LNX1: variants seen among roughly 807,000 people sequenced by gnomAD.
LNX1 encodes ligand of numb-protein X 1.
LNX1 carries 54 observed loss-of-function variants against 68.4 expected under a neutral mutation model. The ratio of observed to expected loss-of-function variants is 0.79; its 90% CI spans 0.63 to 0.99. The LOEUF (loss-of-function observed/expected upper bound fraction) is 0.99, where lower values mean the gene tolerates loss of function less well. Ranked by LOEUF, LNX1 falls within the 50% of genes least tolerant of loss-of-function variation. The pLI is 0.00. For missense variants in LNX1, 906 were observed against 926.4 expected, an observed-to-expected ratio of 0.98 and a Z score of 0.29; for synonymous variants, 336 against 350.0, an observed-to-expected ratio of 0.96 and a Z score of 0.45.
chr4:53,512,077 G>A (rs1726385741), intron 2 of LNX1, among the ~76,000 whole-genome samples: 1 of 152,088 alleles, frequency 6.6e-6, no homozygotes, highest in African/African-American at 2.4e-5. Context: ...CTTCAAACAA[G>A]AGCTTGCAAA....
chr4:53,491,442 A>T (rs2109451352), intron 6 of LNX1, among the ~76,000 whole-genome samples: 1 of 152,328 alleles, frequency 6.6e-6, no homozygotes, highest in East Asian at 1.9e-4. Flanking sequence ...TTGAGATAAA[A>T]GGCAGGAATA....
chr4:53,572,555 G>A (rs1257988398), intron 2 of LNX1, among the ~76,000 whole-genome samples: 2 of 152,128 alleles, frequency 1.3e-5, no homozygotes, highest in African/African-American at 4.8e-5. Context: ...AAAAATACCT[G>A]CACCTGCCTC....
chr4:53,481,228 A>G (rs1470031590), intron 7 of LNX1, among the ~76,000 whole-genome samples: 4 of 152,184 alleles, frequency 2.6e-5, no homozygotes, highest in African/African-American at 7.2e-5. Context: ...GTTTGCCCCA[A>G]TCCCCACCAC....
At chr4:53,590,082 CCCT>C (rs1732417384) in intron 1 of LNX1, among the ~76,000 whole-genome samples, 1 of 152,078 alleles carries the variant, frequency 6.6e-6, no homozygotes, top group Admixed American at 6.6e-5. Context: ...CAAACCCCCC[CCCT>C]TAAACTCACA....
At chr4:53,623,393 G>A (rs1444428363) in intron 1 of LNX1, among the ~76,000 whole-genome samples, 1 of 151,728 alleles carries the variant, frequency 6.6e-6, no homozygotes, top group Admixed American at 6.6e-5. Context: ...TACCATGCCT[G>A]GCTAATTTTT....
intron 9 of LNX1, among the ~76,000 whole-genome samples, chr4:53,470,423 C>T (rs1412670371): frequency 2.0e-5 from 3 of 152,138 alleles, no homozygotes; most frequent in African/African-American, 4.8e-5. Context: ...ACTTTGAAAA[C>T]TGGCACAAGA....
intron 1 of LNX1, among the ~76,000 whole-genome samples, chr4:53,624,707 T>TG (rs1734009852): frequency 6.6e-6 from 1 of 152,268 alleles, no homozygotes; most frequent in East Asian, 1.9e-4. Flanking sequence ...GGCCTTTCCC[T>TG]GGGGGTCTTT....
At chr4:53,591,592 A>G (rs1259364532), upstream of LNX1, 2 of 985,330 alleles carry the variant, frequency 2.0e-6, no homozygotes, top group Non-Finnish European at 2.4e-6. Context: ...CAGATAAAGC[A>G]TTGCTGAGAC....
chr4:53,593,225 G>C (rs1732596285), upstream of LNX1, among the ~76,000 whole-genome samples: 1 of 151,970 alleles, frequency 6.6e-6, no homozygotes, highest in Non-Finnish European at 1.5e-5. Flanking sequence ...CGCGGACAGG[G>C]TGTCCCCTGG....
rs375148509 is a variant in LNX1, at chr4:53,501,309, G to GA, written c.776-2467_776-2466insT. Among the ~76,000 whole-genome samples the GA allele has an allele frequency of 3.4e-5, 4 of 116,000 alleles. No homozygotes were observed. In the East Asian group the frequency reaches 1.2e-3, roughly 34 times the overall value. 76.1% of individuals were successfully genotyped at this position (116,000 alleles called of 152,430 possible). A position where few individuals can be genotyped will look rare whatever the true frequency, so the allele number is the denominator to read the frequency against. ...TTTTTTTTTTTTTTTTGGGGGTGGGGGGACAGGATCTCACTCTGTCACCCA... is the reference window on the plus strand; with the variant it reads ...TTTTTTTTTTTTTTTTGGGGGTGGGGAGGACAGGATCTCACTCTGTCACCCA... On this transcript the variant is annotated intron_variant, in intron 4 of 10. Transcript: ENST00000263925.
At chr4:53,561,904 C>T (rs953418708) in intron 2 of LNX1, among the ~76,000 whole-genome samples, 4 of 151,284 alleles carry the variant, frequency 2.6e-5, no homozygotes, top group Non-Finnish European at 4.4e-5. Flanking sequence ...CAAACCTGAA[C>T]GTTCTGTACG....
upstream of LNX1, among the ~76,000 whole-genome samples, chr4:53,619,279 C>T (rs1436677925): frequency 6.6e-6 from 1 of 152,188 alleles, no homozygotes; most frequent in Admixed American, 6.5e-5. Context: ...TATACAAACA[C>T]TATTTCATTT....
intron 2 of LNX1, among the ~76,000 whole-genome samples, chr4:53,572,866 A>G (rs4864800): frequency 0.6 from 91,060 of 151,986 alleles, 27,562 homozygotes; most frequent in Non-Finnish European, 0.63. Context: ...ATTGCTTGGA[A>G]GACAAAAGTT....
intron 2 of LNX1, among the ~76,000 whole-genome samples, chr4:53,515,272 G>C (rs1488481180): frequency 6.6e-6 from 1 of 152,146 alleles, no homozygotes. Context: ...GGTTAGCTGC[G>C]GGCAAGTTGT....
intron 1 of LNX1, among the ~76,000 whole-genome samples, chr4:53,651,558 G>A (rs1338329639): frequency 2.0e-5 from 3 of 152,102 alleles, no homozygotes; most frequent in African/African-American, 4.8e-5. Flanking sequence ...GTCAGAATAC[G>A]TGGCCAAGAA....
At chr4:53,546,110 G>A (rs970418967) in intron 2 of LNX1, among the ~76,000 whole-genome samples, 1 of 152,150 alleles carries the variant, frequency 6.6e-6, no homozygotes, top group Admixed American at 6.5e-5. Flanking sequence ...CTGGGCCAGA[G>A]GCCACATTTT....
chr4:53,628,633 C>A (rs1734160126), intron 1 of LNX1, among the ~76,000 whole-genome samples: 1 of 151,978 alleles, frequency 6.6e-6, no homozygotes, highest in African/African-American at 2.4e-5. Context: ...GGGTACCTAC[C>A]CAAAGGAAAA....
At chr4:53,523,932 A>G (rs1727429205) in intron 2 of LNX1, among the ~76,000 whole-genome samples, 1 of 152,230 alleles carries the variant, frequency 6.6e-6, no homozygotes, top group African/African-American at 2.4e-5. Flanking sequence ...GGATACTGAG[A>G]ACTTACATTC....
chr4:53,540,455 T>C (rs1285677425), intron 2 of LNX1, among the ~76,000 whole-genome samples: 4 of 151,866 alleles, frequency 2.6e-5, no homozygotes, highest in African/African-American at 9.7e-5. Flanking sequence ...TGCCACCTTG[T>C]AAGAAAGCTT....
Sources: allele counts gnomAD v4.1 joint callset (sites outside exome capture counted in the v4.1 genomes callset), GRCh38; gene constraint gnomAD v4.1.1; transcripts MANE v1.5; gene names NCBI Gene and HGNC (gene_info 2026-07-23, HGNC 2026-07-21).